STON1: variants seen among roughly 807,000 people sequenced by gnomAD.
The protein encoded by STON1 is stonin 1.
STON1 carries 79 observed loss-of-function variants against 60.9 expected under a neutral mutation model. That is an observed-to-expected ratio of 1.30 (90% confidence interval 1.08 to 1.56). The LOEUF is 1.56. STON1 is among the 40% of genes most tolerant of loss of function. The pLI, the probability that STON1 is intolerant of heterozygous loss-of-function variation, is 0.00. For synonymous variants in STON1, 363 were observed against 306.9 expected (o/e 1.18, Z -1.91); for missense variants, 1,166 against 858.9 (o/e 1.36, Z -4.47).
chr2:48,555,295 C>T (rs1263209033), intron 1 of STON1, among the ~76,000 whole-genome samples: 4 of 87,286 alleles, frequency 4.6e-5, no homozygotes, highest in South Asian at 4.5e-4. Context: ...ACCTCCCGGA[C>T]GGGGCGGCTG....
At position 48,591,838 on chromosome 2, in the gene STON1, G is replaced by A. The variant is rs1199574381; in HGVS notation, c.2116G>A (p.Ala706Thr). The change falls in exon 3 of 4, where the codon GCT (alanine) becomes ACT (threonine). Residue 706 changes from alanine (A) to threonine (T), a missense_variant. Transcript: ENST00000404752. The stretch of plus-strand genomic sequence containing the variant: ...GCCACAGAAACATGTTCAGCAGCGA[G>A]CTTGCTACAACATCCAGGTACATCC... ...VQPQKHVQQR[A>T]CYNIQVEIEK... The A allele has an allele frequency of 6.2e-7, 1 of 1,614,098 alleles. No individual in the cohort carries two copies. The highest frequency in any genetic ancestry group is 8.5e-7 in the Non-Finnish European group (1 of 1,180,010).
intron 1 of STON1, among the ~76,000 whole-genome samples, chr2:48,567,887 C>T (rs1673015235): frequency 7.0e-6 from 1 of 143,768 alleles, no homozygotes. Flanking sequence ...TTTGGAAATG[C>T]TGCTAAAGTC....
chr2:48,572,135 C>G (rs1196282382), intron 1 of STON1, among the ~76,000 whole-genome samples: 1 of 152,086 alleles, frequency 6.6e-6, no homozygotes, highest in Non-Finnish European at 1.5e-5. Context: ...TACACTCCAG[C>G]CTGGGTGACA....
chr2:48,534,792 G>A (rs1234891414), intron 1 of STON1, among the ~76,000 whole-genome samples: 1 of 152,178 alleles, frequency 6.6e-6, no homozygotes, highest in Non-Finnish European at 1.5e-5. Context: ...CTAAGAGGGG[G>A]TGAGGAGGGA....
chr2:48,556,999 G>T (rs866338427), intron 1 of STON1, among the ~76,000 whole-genome samples: 8,488 of 73,858 alleles, frequency 0.11, 815 homozygotes, highest in Non-Finnish European at 0.16. Context: ...CCTCCTGGAC[G>T]GCACGGCTGC....
chr2:48,564,440 C>CT (rs1672755739), intron 1 of STON1, among the ~76,000 whole-genome samples: 1 of 49,246 alleles, frequency 2.0e-5, no homozygotes, highest in East Asian at 4.9e-4. Flanking sequence ...TCTTCTTCTT[C>CT]TTCTTCTTCT....
intron 1 of STON1, among the ~76,000 whole-genome samples, chr2:48,557,327 A>G (rs1672419404): frequency 1.2e-5 from 1 of 81,928 alleles, no homozygotes; most frequent in Non-Finnish European, 2.6e-5. Context: ...CGCTCCTCAC[A>G]TCCCAGATGG....
At chr2:48,531,934 A>G (rs574919923) in intron 1 of STON1, 1 of 152,320 alleles carries the variant, frequency 6.6e-6, no homozygotes, top group Admixed American at 6.5e-5. Context: ...ACTGGAAATA[A>G]AAGAGTTTAT....
In STON1 at chr2:48,596,501, T is replaced by C. The variant is rs1459766027; in HGVS notation, c.*1199T>C. ...TCTATATTCCAGGTATTGTTTTTAG[T>C]CTGAAAAACAAACTCCCCCATGTGG... On this transcript the variant is annotated 3_prime_UTR_variant, in exon 4 of 4. Coordinates refer to ENST00000404752, the MANE Select transcript of STON1 (RefSeq NM_006873.4). 6.6e-6 allele frequency: 1 copy of C among 152,220 alleles called. No individual in the cohort carries two copies. Among genetic ancestry groups the C allele is most frequent in the African/African-American group, 2.4e-5 (1 of 41,466 alleles). The allele number at this position is 152,220 out of a possible 1,614,324, so 9.4% of individuals were successfully genotyped here. A position where few individuals can be genotyped will look rare whatever the true frequency, so the allele number is the denominator to read the frequency against.
At position 48,550,659 on chromosome 2, in the gene STON1, T is replaced by G. The variant is rs377646670; in HGVS notation, c.-48+20443T>G. On this transcript the variant is annotated intron_variant, in intron 1 of 3. Transcript: ENST00000404752. The stretch of plus-strand genomic sequence containing the variant: ...GAATATGTAATATTATTCTCTATTT[T>G]ATGAATTAGGAAACTGAGGCTCAAG... 1.3e-4 allele frequency among the ~76,000 whole-genome samples: 19 copies of G among 151,306 alleles called. No homozygotes were observed. The East Asian group carries it at 1.5e-3, about 12-fold the overall frequency.
intron 1 of STON1, among the ~76,000 whole-genome samples, chr2:48,576,847 G>C (rs1558624876): frequency 6.6e-6 from 1 of 151,808 alleles, no homozygotes; most frequent in Non-Finnish European, 1.5e-5. Flanking sequence ...AAGTTCAGGA[G>C]ATTGAGACCA....
At chr2:48,583,876 G>T (rs187472201) in intron 2 of STON1, among the ~76,000 whole-genome samples, 1 of 149,994 alleles carries the variant, frequency 6.7e-6, no homozygotes, top group Non-Finnish European at 1.5e-5. Flanking sequence ...CTCAGCCTCC[G>T]GAGTAGCTGG....
At chr2:48,576,497 CCT>C (rs1491197449) in intron 1 of STON1, among the ~76,000 whole-genome samples, 2 of 85,016 alleles carry the variant, frequency 2.4e-5, no homozygotes, top group Non-Finnish European at 5.0e-5. Flanking sequence ...GCCATATTAT[CCT>C]TTTTTTTTTT....
At chr2:48,547,713 T>G (rs115204729) in intron 1 of STON1, among the ~76,000 whole-genome samples, 4 of 152,096 alleles carry the variant, frequency 2.6e-5, no homozygotes, top group African/African-American at 9.7e-5. Flanking sequence ...AAGTGAAAAG[T>G]GTTTAGATTT....
intron 1 of STON1, among the ~76,000 whole-genome samples, chr2:48,567,183 A>C (rs1227456097): frequency 6.6e-6 from 1 of 152,256 alleles, no homozygotes; most frequent in Non-Finnish European, 1.5e-5. Flanking sequence ...CCTGTCACAT[A>C]GCTGAACTAA....
At chr2:48,565,503 A>G (rs1672903321) in intron 1 of STON1, among the ~76,000 whole-genome samples, 1 of 152,200 alleles carries the variant, frequency 6.6e-6, no homozygotes, top group Non-Finnish European at 1.5e-5. Flanking sequence ...TAAGCCCATA[A>G]CAAAGGAGGA....
chr2:48,542,718 A>G (rs979637123), intron 1 of STON1, among the ~76,000 whole-genome samples: 3 of 152,144 alleles, frequency 2.0e-5, no homozygotes, highest in African/African-American at 7.2e-5. Context: ...CAGCCTGGCC[A>G]ACATGGCAAA....
intron 1 of STON1, among the ~76,000 whole-genome samples, chr2:48,549,740 G>T (rs1455663972): frequency 6.7e-6 from 1 of 150,320 alleles, no homozygotes; most frequent in East Asian, 2.0e-4. Context: ...TGAACTCAGG[G>T]GGACAGAGGT....
At chr2:48,583,939 C>A (rs1299424599) in intron 2 of STON1, among the ~76,000 whole-genome samples, 2 of 151,654 alleles carry the variant, frequency 1.3e-5, no homozygotes, top group African/African-American at 4.8e-5. Flanking sequence ...TCAGTAGAGA[C>A]AGGGTTTCAC....
Sources: gnomAD v4.1 joint callset for allele counts (sites outside exome capture counted in the v4.1 genomes callset) on GRCh38, gnomAD v4.1.1 for gene constraint, MANE v1.5 for transcripts, NCBI Gene and HGNC (gene_info 2026-07-23, HGNC 2026-07-21) for gene names.